PDZD8: variants seen among roughly 807,000 people sequenced by gnomAD.
PDZD8 encodes the protein PDZ domain containing 8.
Under a neutral mutation model 85.8 loss-of-function variants are expected in PDZD8, and 14 were observed. The observed-to-expected ratio is 0.16, with a 90% confidence interval of 0.11 to 0.26. PDZD8 has a LOEUF of 0.26. PDZD8 is among the 10% of genes least tolerant of loss of function. The pLI, the probability that PDZD8 is intolerant of heterozygous loss-of-function variation, is 1.00. For synonymous variants in PDZD8, 592 were observed against 568.6 expected (o/e 1.04, Z -0.59); for missense variants, 1,197 against 1,424.3 (o/e 0.84, Z 2.57).
Position 117,283,176 on chromosome 10 carries a change from G to T in PDZD8, c.*92C>A. 2 of 1,274,480 alleles carry T rather than the reference G, an allele frequency of 1.6e-6. No individual in the cohort carries two copies. Among genetic ancestry groups the T allele is most frequent in the South Asian group, 1.5e-5 (1 of 67,004 alleles). The allele number at this position is 1,274,480 out of a possible 1,614,324, so 78.9% of individuals were successfully genotyped here. On this transcript the variant is annotated 3_prime_UTR_variant, in exon 5 of 5. Coordinates refer to ENST00000334464, the MANE Select transcript of PDZD8 (RefSeq NM_173791.5). Reference sequence around the variant, plus strand: ...AGCAAGTAACTGGAGAAGCAGGCCAGAGTGCATACGAGGATTTAAACATGG... The same window carrying T: ...AGCAAGTAACTGGAGAAGCAGGCCATAGTGCATACGAGGATTTAAACATGG...
intron 2 of PDZD8, among the ~76,000 whole-genome samples, chr10:117,333,373 T>C (rs910705392): frequency 2.6e-5 from 4 of 152,166 alleles, no homozygotes; most frequent in African/African-American, 9.7e-5. Context: ...AATACAATTA[T>C]TTGTAGAGCC....
At chr10:117,298,356 C>CT (rs1300011112) in intron 3 of PDZD8, among the ~76,000 whole-genome samples, 2 of 152,108 alleles carry the variant, frequency 1.3e-5, no homozygotes, top group Non-Finnish European at 2.9e-5. Context: ...TGCTTTTAAA[C>CT]TCTTTGTTTT....
intron 3 of PDZD8, among the ~76,000 whole-genome samples, chr10:117,315,592 A>AC (rs1324951289): frequency 1.4e-5 from 2 of 138,658 alleles, no homozygotes; most frequent in Admixed American, 7.1e-5. Flanking sequence ...TCTCTCAAAA[A>AC]AAAAAAAAAA....
At chr10:117,285,530 T>C (rs926318325) in intron 4 of PDZD8, 59 bp from the exon 5 acceptor site, 3 of 1,398,302 alleles carry the variant, frequency 2.1e-6, no homozygotes, top group Admixed American at 5.1e-5. Context: ...ATTACTACAT[T>C]TGTTAAATGT....
At chr10:117,340,240 AGGT>A (rs1449431852) in intron 2 of PDZD8, among the ~76,000 whole-genome samples, 1 of 152,154 alleles carries the variant, frequency 6.6e-6, no homozygotes, top group African/African-American at 2.4e-5. Flanking sequence ...CCGTTTTGAT[AGGT>A]GACAAAGATT....
chr10:117,300,471 T>C (rs1261584062), intron 3 of PDZD8, among the ~76,000 whole-genome samples: 1 of 152,206 alleles, frequency 6.6e-6, no homozygotes, highest in African/African-American at 2.4e-5. Context: ...CATTCTATAA[T>C]GTAGCATCCA....
intron 1 of PDZD8, among the ~76,000 whole-genome samples, chr10:117,359,573 T>C (rs1844960143): frequency 1.3e-5 from 2 of 152,070 alleles, no homozygotes; most frequent in Admixed American, 1.3e-4. Flanking sequence ...CAGCTGGGCA[T>C]GGTGGTGCGC....
At chr10:117,302,168 T>C (rs1326141808) in intron 3 of PDZD8, among the ~76,000 whole-genome samples, 1 of 152,172 alleles carries the variant, frequency 6.6e-6, no homozygotes, top group African/African-American at 2.4e-5. Context: ...GCACAAAAGA[T>C]ATAAACTGAA....
chr10:117,347,688 AT>A (rs1844732899), intron 1 of PDZD8, among the ~76,000 whole-genome samples: 4 of 152,242 alleles, frequency 2.6e-5, no homozygotes, highest in African/African-American at 9.6e-5. Flanking sequence ...AATAAGTGAA[AT>A]TTAAAAATTA....
Position 117,375,255 on chromosome 10 carries a change from A to C in PDZD8, c.-28T>G. On this transcript the variant is annotated 5_prime_UTR_variant, in exon 1 of 5. Transcript: ENST00000334464. ...CGCCACCGCCTCCGCCCGGGCCCCT[A>C]CTCCCGCGCCCACAGCGCCGCTTTC... is the stretch of plus-strand genomic sequence containing the variant. 12 of 1,422,916 alleles carry C rather than the reference A, an allele frequency of 8.4e-6. No individual in the cohort carries two copies. Among genetic ancestry groups the C allele is most frequent in the African/African-American group, 1.5e-5 (1 of 67,530 alleles). 88.1% of individuals were successfully genotyped at this position (1,422,916 alleles called of 1,614,324 possible).
chr10:117,335,632 TA>T (rs1465557334), intron 2 of PDZD8, among the ~76,000 whole-genome samples: 1 of 152,144 alleles, frequency 6.6e-6, no homozygotes, highest in Non-Finnish European at 1.5e-5. Context: ...GGGGGGAGAC[TA>T]AATCTGAAAG....
intron 1 of PDZD8, among the ~76,000 whole-genome samples, chr10:117,357,766 C>CAAAAAAAAAAAA (rs767138640): frequency 1.3e-4 from 6 of 47,468 alleles, no homozygotes; most frequent in African/African-American, 1.8e-4. Context: ...ACTTCATCTC[C>CAAAAAAAAAAAA]AAAAAAAAAA....
chr10:117,327,139 A>T (rs954785840), intron 2 of PDZD8, among the ~76,000 whole-genome samples: 4 of 152,194 alleles, frequency 2.6e-5, no homozygotes, highest in African/African-American at 9.6e-5. Context: ...GAAATGAGTG[A>T]CCATGAGGAC....
intron 2 of PDZD8, among the ~76,000 whole-genome samples, chr10:117,338,456 C>T (rs983274089): frequency 6.6e-6 from 1 of 152,118 alleles, no homozygotes; most frequent in African/African-American, 2.4e-5. Flanking sequence ...ACTATTTTTC[C>T]ATGTTTTTCC....
intron 3 of PDZD8, among the ~76,000 whole-genome samples, chr10:117,306,660 T>G (rs1843949122): frequency 6.6e-6 from 1 of 151,420 alleles, no homozygotes; most frequent in African/African-American, 2.4e-5. Flanking sequence ...AGGTTTTGTT[T>G]TTTTTTTTAT....
chr10:117,292,379 T>C (rs1844783660), intron 3 of PDZD8, among the ~76,000 whole-genome samples: 1 of 152,176 alleles, frequency 6.6e-6, no homozygotes, highest in Non-Finnish European at 1.5e-5. Context: ...ATTAAGGCTT[T>C]TAACAAAACC....
chr10:117,324,981 T>TAAGA (rs1455321198), intron 2 of PDZD8, among the ~76,000 whole-genome samples: 7 of 152,182 alleles, frequency 4.6e-5, no homozygotes, highest in Non-Finnish European at 5.9e-5. Flanking sequence ...TTATGAAAGT[T>TAAGA]TCTTAAGAAT....
intron 2 of PDZD8, among the ~76,000 whole-genome samples, chr10:117,331,195 T>C (rs1397702030): frequency 1.3e-5 from 2 of 152,176 alleles, no homozygotes; most frequent in Non-Finnish European, 2.9e-5. Flanking sequence ...ACTATTGATG[T>C]TGGAAAGACT....
intron 3 of PDZD8, among the ~76,000 whole-genome samples, chr10:117,311,486 C>T (rs1049533193): frequency 3.9e-5 from 6 of 152,090 alleles, no homozygotes; most frequent in Non-Finnish European, 8.8e-5. Flanking sequence ...CTGAATGCCA[C>T]GTGCTATGAG....
Sources: gnomAD v4.1 joint callset for allele counts (sites outside exome capture counted in the v4.1 genomes callset) on GRCh38, gnomAD v4.1.1 for gene constraint, MANE v1.5 for transcripts, NCBI Gene and HGNC (gene_info 2026-07-23, HGNC 2026-07-21) for gene names.